The following TFB2M variants were observed in gnomAD, a reference collection of about 807,000 sequenced individuals.
TFB2M encodes dimethyladenosine transferase 2, mitochondrial.
Under a neutral mutation model 41.3 loss-of-function variants are expected in TFB2M, and 44 were observed. That is an observed-to-expected ratio of 1.07 (90% CI 0.84 to 1.37). TFB2M has a LOEUF of 1.37. Ranked by LOEUF, TFB2M falls within the 40% of genes most tolerant of loss-of-function variation. The pLI is 0.00. For synonymous variants in TFB2M, 188 were observed against 176.8 expected (o/e 1.06, Z -0.50); for missense variants, 496 against 490.2 (o/e 1.01, Z -0.11).
intron 6 of TFB2M, among the ~76,000 whole-genome samples, chr1:246,547,840 G>A (rs1002917494): frequency 1.3e-5 from 2 of 151,704 alleles, no homozygotes; most frequent in African/African-American, 4.8e-5. Flanking sequence ...TGGTTCTTAC[G>A]TACAAAGATT....
intron 4 of TFB2M, among the ~76,000 whole-genome samples, chr1:246,555,285 T>C (rs1349381009): frequency 6.6e-6 from 1 of 152,102 alleles, no homozygotes; most frequent in Non-Finnish European, 1.5e-5. Flanking sequence ...AGTATGGCAG[T>C]TCCTCAAAAA....
rs557490015 is a variant in TFB2M, at chr1:246,551,957, T to C, written c.706-655A>G. Among the ~76,000 whole-genome samples the C allele has an allele frequency of 5.3e-5, 8 of 152,338 alleles. No individual in the cohort carries two copies. The East Asian group carries it at 1.5e-3, about 29-fold the overall frequency. On this transcript the variant is annotated intron_variant, in intron 4 of 7. Transcript: ENST00000366514. ...TTTCCATGGCTAGCAAATATGTATT[T>C]ACTAAATGGGTCTGGGGGAGCAAAT...
Position 246,565,847 on chromosome 1 carries a change from G to A in TFB2M, c.292C>T (p.Leu98=), listed in dbSNP as rs755784952. The A allele has an allele frequency of 2.9e-5, 46 of 1,602,668 alleles. No individual in the cohort carries two copies. The highest frequency in any genetic ancestry group is 1.2e-4 in the Admixed American group (7 of 59,846). ...TCACCTGGATTGCACTCCAGCAGTA[G>A]GTGTGGAGGTCTACTTGGTTTTCCC... is the stretch of plus-strand genomic sequence containing the variant. ...YLGKPSRPPH[L]LLECNPGPGI... The change falls in exon 1 of 8, where the codon CTA becomes TTA. Residue 98 remains leucine, a synonymous_variant. Transcript: ENST00000366514.
chr1:246,556,487 C>G (rs1249101370), intron 4 of TFB2M, 86 bp downstream of exon 4: 14 of 1,011,936 alleles, frequency 1.4e-5, no homozygotes, highest in Non-Finnish European at 1.9e-5. Flanking sequence ...ATGTCACGAG[C>G]CCTAAATTAA....
At chr1:246,551,734 C>T (rs974102911) in intron 4 of TFB2M, among the ~76,000 whole-genome samples, 8 of 152,152 alleles carry the variant, frequency 5.3e-5, no homozygotes, top group African/African-American at 1.9e-4. Context: ...CTTGAAAGGA[C>T]GAGGTTACCT....
intron 4 of TFB2M, among the ~76,000 whole-genome samples, chr1:246,555,635 T>C (rs1659301090): frequency 6.6e-6 from 1 of 152,144 alleles, no homozygotes; most frequent in Non-Finnish European, 1.5e-5. Flanking sequence ...ATAGAATTAC[T>C]ATATGATCCT....
At position 246,547,820 on chromosome 1, in the gene TFB2M, A is replaced by G. The variant is rs1021402569; in HGVS notation, c.858+725T>C. Among the ~76,000 whole-genome samples, 3 of 152,316 alleles carry G rather than the reference A, an allele frequency of 2.0e-5. No individual in the cohort carries two copies. In the South Asian group the frequency reaches 6.2e-4, roughly 32 times the overall value. ...GATAAACTAAATGGAGGACTATAAC[A>G]TTGTCACTTTGGTTCTTACGTACAA... On this transcript the variant is annotated intron_variant, in intron 6 of 7. Coordinates refer to ENST00000366514, the MANE Select transcript of TFB2M (RefSeq NM_022366.3).
intron 2 of TFB2M, 79 bp from the exon 3 acceptor site, chr1:246,557,613 A>T: frequency 1.8e-6 from 2 of 1,122,178 alleles, no homozygotes; most frequent in Non-Finnish European, 2.5e-6. Flanking sequence ...ACTCTACTTC[A>T]AAAAACCATA....
intron 1 of TFB2M, 82 bp from the exon 2 acceptor site, chr1:246,564,516 C>T: frequency 2.4e-6 from 3 of 1,270,050 alleles, no homozygotes; most frequent in Non-Finnish European, 3.4e-6. Flanking sequence ...AGATGTTTCA[C>T]ACGTTATTAC....
intron 2 of TFB2M, among the ~76,000 whole-genome samples, chr1:246,563,468 G>C (rs1234526312): frequency 6.6e-6 from 1 of 152,048 alleles, no homozygotes; most frequent in African/African-American, 2.4e-5. Context: ...GCTGGGCATA[G>C]TGGCGGGCGC....
chr1:246,544,729 A>G, intron 6 of TFB2M, 48 bp from the exon 7 acceptor site: 1 of 1,517,212 alleles, frequency 6.6e-7, no homozygotes, highest in Non-Finnish European at 8.9e-7. Flanking sequence ...ATATTGCCAG[A>G]GTAAGACATT....
intron 4 of TFB2M, among the ~76,000 whole-genome samples, chr1:246,551,863 T>C (rs1214023832): frequency 3.9e-5 from 6 of 152,218 alleles, no homozygotes; most frequent in African/African-American, 1.4e-4. Flanking sequence ...GCACTTCCTA[T>C]TCTTCTCCTT....
intron 5 of TFB2M, 63 bp downstream of exon 5, chr1:246,551,150 G>T: frequency 7.7e-7 from 1 of 1,304,116 alleles, no homozygotes; most frequent in South Asian, 1.2e-5. Context: ...ACTCCAGCCT[G>T]GGCAACATAA....
In TFB2M at chr1:246,544,533, A is replaced by C. The variant is rs772063131; in HGVS notation, c.1007T>G (p.Ile336Arg). 1.2e-6 allele frequency: 2 copies of C among 1,604,140 alleles called. No individual in the cohort carries two copies. Among genetic ancestry groups the C allele is most frequent in the Non-Finnish European group, 1.7e-6 (2 of 1,177,714 alleles). Residue 336 changes from isoleucine to arginine, a missense_variant, in exon 7 of 8, where the codon ATA becomes AGA. By Grantham distance (97) the Ile-to-Arg change is moderately conservative. Transcript: ENST00000366514. ...TCTTTTTACTCACCGTAAGTGGTCT[A>C]TTACAGTGGCGCTGCGCCTCCCAAA... The part of the protein sequence containing the change: ...HCFGRRSATV[I>R]DHLRSLTPLD...
chr1:246,544,996 G>A (rs187529174), intron 6 of TFB2M, among the ~76,000 whole-genome samples: 5,174 of 151,780 alleles, frequency 0.034, 94 homozygotes, highest in Middle Eastern at 0.068. Context: ...TAGTAGAGAT[G>A]GGGTTTCACC....
At position 246,557,291 on chromosome 1, in the gene TFB2M, TA is replaced by T. The variant is rs1659348922; in HGVS notation, c.556+89del. On this transcript the variant is annotated intron_variant, in intron 3 of 7. Transcript: ENST00000366514. Reference sequence around the variant, plus strand: ...CCATCTCAGAAAACAAACAAATAAATAAAACACAAATTTCATCAACAAATCA... The same window carrying T: ...CCATCTCAGAAAACAAACAAATAAATAAACACAAATTTCATCAACAAATCA... 64 of 1,435,012 alleles carry T rather than the reference TA, an allele frequency of 4.5e-5. No homozygotes were observed. The South Asian group carries it at 7.6e-4, about 17-fold the overall frequency. 88.9% of individuals were successfully genotyped at this position (1,435,012 alleles called of 1,614,324 possible). A position where few individuals can be genotyped will look rare whatever the true frequency, so the allele number is the denominator to read the frequency against.
intron 3 of TFB2M, among the ~76,000 whole-genome samples, chr1:246,557,107 C>T (rs1659344449): frequency 6.6e-6 from 1 of 152,022 alleles, no homozygotes; most frequent in South Asian, 2.1e-4. Flanking sequence ...AACCCCGTCT[C>T]TACCAAAAAT....
intron 6 of TFB2M, among the ~76,000 whole-genome samples, chr1:246,546,479 G>A (rs1261396256): frequency 6.6e-6 from 1 of 151,978 alleles, no homozygotes; most frequent in Non-Finnish European, 1.5e-5. Flanking sequence ...GCCCTGCGTG[G>A]TGGAGCATGC....
chr1:246,553,186 A>C (rs1049031057), intron 4 of TFB2M, among the ~76,000 whole-genome samples: 1 of 152,176 alleles, frequency 6.6e-6, no homozygotes, highest in African/African-American at 2.4e-5. Flanking sequence ...GCGCCACTGC[A>C]CTCCAGCCTG....
Sources: gnomAD v4.1 joint callset for allele counts (sites outside exome capture counted in the v4.1 genomes callset) on GRCh38, gnomAD v4.1.1 for gene constraint, MANE v1.5 for transcripts, NCBI Gene and HGNC (gene_info 2026-07-23, HGNC 2026-07-21) for gene names.